The following MYO6 variants were observed in gnomAD, a reference collection of about 807,000 sequenced individuals.
The protein encoded by MYO6 is unconventional myosin-VI.
In MYO6, 74 loss-of-function variants were observed where a neutral mutation model predicts 178.7. That is an observed-to-expected ratio of 0.41 (90% CI 0.34 to 0.50). The LOEUF is 0.50. Ranked by LOEUF, MYO6 falls within the 20% of genes least tolerant of loss-of-function variation. The pLI, the probability that MYO6 is intolerant of heterozygous loss-of-function variation, is 0.09. For missense variants in MYO6, 1,330 were observed against 1,547.4 expected (o/e 0.86, Z 2.36); for synonymous variants, 477 against 504.6 (o/e 0.95, Z 0.73).
intron 2 of MYO6, among the ~76,000 whole-genome samples, chr6:75,820,180 C>T (rs1251721762): frequency 6.6e-6 from 1 of 152,152 alleles, no homozygotes; most frequent in East Asian, 1.9e-4. Flanking sequence ...TTTTCTTTTC[C>T]CTGTCTGCTT....
chr6:75,865,726 A>AAG (rs397695017), intron 16 of MYO6, among the ~76,000 whole-genome samples: 2 of 151,558 alleles, frequency 1.3e-5, no homozygotes, highest in South Asian at 2.1e-4. Context: ...GTAAGTGAAA[A>AAG]CATTTTAGAA....
At chr6:75,762,562 A>G (rs1225559380) in intron 1 of MYO6, among the ~76,000 whole-genome samples, 3 of 152,202 alleles carry the variant, frequency 2.0e-5, no homozygotes. Context: ...CCCTACACAA[A>G]CAGTAGTAAA....
chr6:75,858,599 T>C (rs768699820), intron 13 of MYO6, among the ~76,000 whole-genome samples: 35 of 152,148 alleles, frequency 2.3e-4, no homozygotes, highest in Admixed American at 8.5e-4. Flanking sequence ...GGATCCTATC[T>C]CAAAAATAAA....
intron 1 of MYO6, among the ~76,000 whole-genome samples, chr6:75,789,552 C>G (rs1266594610): frequency 6.6e-6 from 1 of 151,702 alleles, no homozygotes; most frequent in Admixed American, 6.6e-5. Flanking sequence ...TTCACCTGCC[C>G]CTCCCTCTCC....
At chr6:75,857,027 G>A in intron 12 of MYO6, 70 bp from the exon 13 acceptor site, 2 of 1,432,532 alleles carry the variant, frequency 1.4e-6, no homozygotes, top group East Asian at 2.3e-5. Context: ...TGTATGTTTA[G>A]GTGCACTCTG....
At position 75,752,804 on chromosome 6, in the gene MYO6, A is replaced by G. The variant is rs6899345; in HGVS notation, c.-48+3381A>G. 4.2e-3 allele frequency among the ~76,000 whole-genome samples: 636 copies of G among 152,272 alleles called. 7 individuals carry two copies. Among genetic ancestry groups the G allele is most frequent in the African/African-American group, 0.015 (608 of 41,538 alleles). Reference sequence around the variant, plus strand: ...TTCTAGGACATTATATGTATTGTGCATGTATGTATGCTGTTAAACATATGT... The same window carrying G: ...TTCTAGGACATTATATGTATTGTGCGTGTATGTATGCTGTTAAACATATGT... On this transcript the variant is annotated intron_variant, in intron 1 of 34. Transcript: ENST00000369977.
chr6:75,839,224 T>C (rs1314778410), intron 7 of MYO6, among the ~76,000 whole-genome samples: 1 of 152,126 alleles, frequency 6.6e-6, no homozygotes, highest in South Asian at 2.1e-4. Flanking sequence ...GGAGTATCGC[T>C]GTCTCCCAGG....
intron 1 of MYO6, among the ~76,000 whole-genome samples, chr6:75,791,304 AT>A (rs1768223189): frequency 6.6e-6 from 1 of 152,198 alleles, no homozygotes; most frequent in Admixed American, 6.5e-5. Flanking sequence ...TGAATTTCTA[AT>A]TTTGATCTGT....
At chr6:75,848,242 C>T (rs1400158218) in intron 10 of MYO6, 109 bp from the exon 11 acceptor site, 2 of 1,000,620 alleles carry the variant, frequency 2.0e-6, no homozygotes, top group Admixed American at 1.8e-5. Context: ...TTCCCATTGA[C>T]AGATTTTATT....
chr6:75,778,422 G>A lies in MYO6; in HGVS notation c.-48+28999G>A, dbSNP rs532291986. 2.0e-5 allele frequency among the ~76,000 whole-genome samples: 3 copies of A among 151,658 alleles called. No homozygotes were observed. The East Asian group carries it at 5.9e-4, about 30-fold the overall frequency. On this transcript the variant is annotated intron_variant, in intron 1 of 34. Transcript: ENST00000369977. ...ATCCTGGCTAACATGGTGAAACCCC[G>A]TCTCTACTAAAAAATACAAAAAAAA...
chr6:75,914,421 C>T (rs1780999768), intron 34 of MYO6, 140 bp downstream of exon 34: 3 of 885,862 alleles, frequency 3.4e-6, no homozygotes, highest in Non-Finnish European at 5.3e-6. Flanking sequence ...AATCACATTT[C>T]CAGTTCAGTG....
chr6:75,901,966 G>A (rs6919021), intron 30 of MYO6, among the ~76,000 whole-genome samples: 3 of 152,160 alleles, frequency 2.0e-5, no homozygotes, highest in Admixed American at 2.0e-4. Flanking sequence ...AGCCTTTTCT[G>A]CATCTATTGA....
intron 1 of MYO6, among the ~76,000 whole-genome samples, chr6:75,768,982 C>G (rs1778683347): frequency 6.6e-6 from 1 of 152,092 alleles, no homozygotes; most frequent in Admixed American, 6.5e-5. Flanking sequence ...GTTGTTGTCA[C>G]ATGGTGAGAG....
intron 1 of MYO6, among the ~76,000 whole-genome samples, chr6:75,789,847 A>G (rs1051676593): frequency 6.6e-6 from 1 of 152,100 alleles, no homozygotes; most frequent in Non-Finnish European, 1.5e-5. Flanking sequence ...ATTCTTCCTA[A>G]CTATAACTTT....
intron 1 of MYO6, among the ~76,000 whole-genome samples, chr6:75,802,354 A>G (rs1048760820): frequency 6.6e-6 from 1 of 151,926 alleles, no homozygotes; most frequent in Non-Finnish European, 1.5e-5. Flanking sequence ...CTGTAATCCC[A>G]GCTACTTGGG....
chr6:75,830,723 G>T (rs923653004), intron 5 of MYO6, among the ~76,000 whole-genome samples, 178 bp downstream of exon 5: 4 of 152,186 alleles, frequency 2.6e-5, no homozygotes, highest in African/African-American at 9.6e-5. Flanking sequence ...GGGTGAGGAA[G>T]AATACTTTTG....
intron 1 of MYO6, among the ~76,000 whole-genome samples, chr6:75,815,781 G>A (rs62414783): frequency 8.5e-5 from 13 of 152,174 alleles, no homozygotes; most frequent in African/African-American, 3.1e-4. Context: ...ACACCTGAGA[G>A]CATCCACATG....
At chr6:75,875,084 T>A (rs1012157534) in intron 20 of MYO6, among the ~76,000 whole-genome samples, 12 of 152,204 alleles carry the variant, frequency 7.9e-5, no homozygotes, top group African/African-American at 2.7e-4. Flanking sequence ...TATGTTATCA[T>A]TTTTCAGGAT....
chr6:75,894,348 TGAG>T, intron 28 of MYO6, among the ~76,000 whole-genome samples: 1 of 152,272 alleles, frequency 6.6e-6, no homozygotes, highest in South Asian at 2.1e-4. Flanking sequence ...TATTAAGTAA[TGAG>T]GAGATATTCA....
Sources: gnomAD v4.1 joint callset for allele counts (sites outside exome capture counted in the v4.1 genomes callset) on GRCh38, gnomAD v4.1.1 for gene constraint, MANE v1.5 for transcripts, NCBI Gene and HGNC (gene_info 2026-07-23, HGNC 2026-07-21) for gene names.